The following MORC2 variants were observed in gnomAD, a reference collection of about 807,000 sequenced individuals.
MORC2 encodes the protein MORC family CW-type zinc finger 2, also known as ATPase MORC2.
A neutral mutation model predicts 136.0 loss-of-function variants in MORC2; 30 were observed. The ratio of observed to expected loss-of-function variants is 0.22; its 90% CI spans 0.17 to 0.30. The LOEUF is 0.30. MORC2 is among the 10% of genes least tolerant of loss of function. The pLI, the probability that MORC2 is intolerant of heterozygous loss-of-function variation, is 1.00. For missense variants in MORC2, 922 were observed against 1,333.1 expected (o/e 0.69, Z 4.80); for synonymous variants, 439 against 487.0 (o/e 0.90, Z 1.30).
Position 30,932,323 on chromosome 22 carries a change from T to C in MORC2, c.2841+36A>G. 1 of 1,509,208 alleles carries C rather than the reference T, an allele frequency of 6.6e-7. No homozygotes were observed. The highest frequency in any genetic ancestry group is 9.2e-7 in the Non-Finnish European group (1 of 1,091,898). The allele number at this position is 1,509,208 out of a possible 1,614,324, so 93.5% of individuals were successfully genotyped here. On this transcript the variant is annotated intron_variant, in intron 24 of 25. Coordinates refer to ENST00000397641, the MANE Select transcript of MORC2 (RefSeq NM_001303256.3). The surrounding 1 kb of genome is among the most constrained non-coding windows in gnomAD (Gnocchi z 4.4). Reference sequence around the variant, plus strand: ...AAATGCAGGGGCAGGGGTGGGGGAATGAAGAGTGTGGAATCGAAGGTCAGG... The same window carrying C: ...AAATGCAGGGGCAGGGGTGGGGGAACGAAGAGTGTGGAATCGAAGGTCAGG...
At chr22:30,943,013 A>C (rs1052828916) in intron 6 of MORC2, among the ~76,000 whole-genome samples, 4 of 152,184 alleles carry the variant, frequency 2.6e-5, no homozygotes, top group African/African-American at 9.7e-5. Context: ...TCAAAAATAA[A>C]TAAATAAATA....
chr22:30,926,647 G>T lies in MORC2; in HGVS notation c.*156C>A. ...AATAAATATTTATAAACTTAAGGAA[G>T]ATTCAAAGAATCAGGGTATCTTTTC... On this transcript the variant is annotated 3_prime_UTR_variant, in exon 26 of 26. Transcript: ENST00000397641. 8.3e-6 allele frequency: 2 copies of T among 241,978 alleles called. No individual in the cohort carries two copies. Among genetic ancestry groups the T allele is most frequent in the Non-Finnish European group, 1.5e-5 (2 of 129,956 alleles). 15.0% of individuals were successfully genotyped at this position (241,978 alleles called of 1,614,324 possible).
At chr22:30,926,921 G>T (rs1429240084) in intron 25 of MORC2, 50 bp from the exon 26 acceptor site, 1 of 1,516,408 alleles carries the variant, frequency 6.6e-7, no homozygotes, top group Admixed American at 1.7e-5. Flanking sequence ...AGTGATTGGG[G>T]GGCTCACCTT....
At chr22:30,960,228 A>C (rs547885550) in intron 1 of MORC2, among the ~76,000 whole-genome samples, 3 of 152,168 alleles carry the variant, frequency 2.0e-5, no homozygotes, top group African/African-American at 7.2e-5. Flanking sequence ...TGGACTCCCA[A>C]AGTGCTGAGA....
intron 1 of MORC2, 85 bp downstream of exon 1, chr22:30,967,737 A>G (rs1175907114): frequency 1.3e-6 from 2 of 1,540,368 alleles, no homozygotes; most frequent in Non-Finnish European, 1.8e-6. Flanking sequence ...AAAGTGAAAA[A>G]GCAAAATTTT....
At chr22:30,931,789 G>A (rs929174005) in intron 24 of MORC2, among the ~76,000 whole-genome samples, 3 of 152,190 alleles carry the variant, frequency 2.0e-5, no homozygotes, top group African/African-American at 7.2e-5. Context: ...CAGCTACCCG[G>A]TAACAACTCA....
intron 24 of MORC2, among the ~76,000 whole-genome samples, chr22:30,930,802 C>A (rs919350857): frequency 6.6e-6 from 1 of 152,154 alleles, no homozygotes; most frequent in African/African-American, 2.4e-5. Flanking sequence ...GGACAATTCC[C>A]AGAGCCCCAT....
intron 24 of MORC2, among the ~76,000 whole-genome samples, chr22:30,931,406 ATG>A (rs2040574479): frequency 6.6e-6 from 1 of 152,246 alleles, no homozygotes; most frequent in South Asian, 2.1e-4. Flanking sequence ...ACAGAAAAAA[ATG>A]TGTGGACCTC....
At chr22:30,935,404 G>A (rs2040639128) in intron 17 of MORC2, 82 bp from the exon 18 acceptor site, 14 of 1,381,342 alleles carry the variant, frequency 1.0e-5, no homozygotes, top group African/African-American at 7.2e-5. Flanking sequence ...CTGGAACCAG[G>A]GACAAAAAAA....
At chr22:30,966,702 T>C (rs1013784547) in intron 1 of MORC2, among the ~76,000 whole-genome samples, 3 of 152,130 alleles carry the variant, frequency 2.0e-5, no homozygotes, top group Admixed American at 2.0e-4. Flanking sequence ...CGTTTGAACC[T>C]GGGAGGTGAA....
intron 24 of MORC2, chr22:30,929,860 CT>C (rs537664857): frequency 3.2e-4 from 48 of 151,660 alleles, no homozygotes; most frequent in African/African-American, 9.9e-4. Flanking sequence ...AGCTAATATA[CT>C]TTTTTTTTGA....
In MORC2 at chr22:30,954,338, A is replaced by G. The variant is rs137899647; in HGVS notation, c.157+2425T>C. 3.0e-4 allele frequency among the ~76,000 whole-genome samples: 45 copies of G among 152,312 alleles called. 1 individual carries two copies. Among genetic ancestry groups the G allele is most frequent in the African/African-American group, 1.1e-3 (44 of 41,564 alleles). On this transcript the variant is annotated intron_variant, in intron 3 of 25. Transcript: ENST00000397641. ...GTGTTAACAAGGCCCTGTGGTAGAA[A>G]AGTGTAGGGTTAAAGATCCCTTAGC...
intron 1 of MORC2, chr22:30,967,482 A>G (rs961143733): frequency 9.3e-7 from 1 of 1,076,692 alleles, no homozygotes; most frequent in African/African-American, 1.7e-5. Context: ...AACGGTTGAT[A>G]CTAAAATAGT....
intron 3 of MORC2, among the ~76,000 whole-genome samples, chr22:30,950,674 G>C (rs1215178950): frequency 6.6e-6 from 1 of 152,142 alleles, no homozygotes; most frequent in Non-Finnish European, 1.5e-5. Flanking sequence ...ACCTTTGAAG[G>C]CAGGAATATC....
rs569375549 is a variant in MORC2, at chr22:30,968,431, T to A, written c.-542A>T. On this transcript the variant is annotated 5_prime_UTR_variant, in exon 1 of 26. Transcript: ENST00000397641. ...AGACCAAGATGTCGACGGAGTGTTATATGGCGCAAGTTGCAGCTTCACCAC... is the reference window on the plus strand; with the variant it reads ...AGACCAAGATGTCGACGGAGTGTTAAATGGCGCAAGTTGCAGCTTCACCAC... 6.5e-6 allele frequency: 1 copy of A among 153,060 alleles called. No individual in the cohort carries two copies. The highest frequency in any genetic ancestry group is 2.4e-5 in the African/African-American group (1 of 41,450). 9.5% of individuals were successfully genotyped at this position (153,060 alleles called of 1,614,324 possible).
chr22:30,932,997 CT>C lies in MORC2; in HGVS notation c.2413del (p.Arg805GlyfsTer22). The C allele has an allele frequency of 1.2e-6, 2 of 1,614,174 alleles. No homozygotes were observed. The highest frequency in any genetic ancestry group is 1.7e-6 in the Non-Finnish European group (2 of 1,180,024). ...KGLHVEVRVN[R>X]EWYTGRVTAV... ...TGTGACACGGCCCGTGTACCACTCC[CT>C]GTTCACACGCACCTCCACGTGCAGC... On this transcript the variant is annotated frameshift_variant, in exon 22 of 26. Transcript: ENST00000397641. LOFTEE classifies it high-confidence loss of function. The surrounding 1 kb of genome is among the most constrained non-coding windows in gnomAD (Gnocchi z 4.4).
At chr22:30,933,391 C>T in intron 21 of MORC2, 75 bp downstream of exon 21, 1 of 1,517,210 alleles carries the variant, frequency 6.6e-7, no homozygotes, top group South Asian at 1.2e-5. Context: ...TGGTAAATTG[C>T]TGCTGGTAAG....
intron 4 of MORC2, 40 bp downstream of exon 4, chr22:30,950,337 G>GGGGGGGCCC: frequency 1.3e-6 from 1 of 761,768 alleles, no homozygotes; most frequent in Non-Finnish European, 2.3e-6. Flanking sequence ...TGGTTACATC[G>GGGGGGGCCC]CACCCCCCCA....
intron 24 of MORC2, chr22:30,929,944 C>G (rs2040548608): frequency 6.6e-6 from 1 of 152,070 alleles, no homozygotes; most frequent in Admixed American, 6.5e-5. Context: ...CTGCCTTTCC[C>G]CGGGTTCAAG....
Sources: gnomAD v4.1 joint callset for allele counts (sites outside exome capture counted in the v4.1 genomes callset) on GRCh38, gnomAD v4.1.1 for gene constraint, Gnocchi (gnomAD v3.1) non-coding constraint, MANE v1.5 for transcripts, NCBI Gene and HGNC (gene_info 2026-07-23, HGNC 2026-07-21) for gene names.